Variants in PBX3 observed in about 807,000 individuals in gnomAD.
PBX3 encodes pre-B-cell leukemia transcription factor 3.
PBX3 carries 14 observed loss-of-function variants against 48.5 expected under a neutral mutation model. The ratio of observed to expected loss-of-function variants is 0.29; its 90% CI spans 0.19 to 0.45. The LOEUF is 0.45. PBX3 is among the 20% of genes least tolerant of loss of function. PBX3 has a pLI of 1.00. For missense variants in PBX3, 386 were observed against 546.7 expected (o/e 0.71, Z 2.93); for synonymous variants, 210 against 200.3 (o/e 1.05, Z -0.41).
chr9:125,925,566 A>G (rs1462053145), intron 3 of PBX3, among the ~76,000 whole-genome samples: 1 of 151,686 alleles, frequency 6.6e-6, no homozygotes, highest in African/African-American at 2.4e-5. Flanking sequence ...TGATCCTCCT[A>G]CCTCAGCCTC....
intron 8 of PBX3, among the ~76,000 whole-genome samples, chr9:125,965,213 G>A (rs1429323236): frequency 6.6e-6 from 1 of 152,256 alleles, no homozygotes; most frequent in East Asian, 1.9e-4. Flanking sequence ...GGAAGGGCCA[G>A]CAGCATGTGG....
At chr9:125,892,167 C>T (rs1840662014) in intron 2 of PBX3, among the ~76,000 whole-genome samples, 2 of 152,096 alleles carry the variant, frequency 1.3e-5, no homozygotes, top group African/African-American at 4.8e-5. Flanking sequence ...AAGTGATTTG[C>T]CCACCAAGGC....
intron 3 of PBX3, among the ~76,000 whole-genome samples, chr9:125,929,374 A>G (rs999406240): frequency 3.3e-5 from 5 of 152,174 alleles, no homozygotes; most frequent in African/African-American, 4.8e-5. Flanking sequence ...ATTGATAGGG[A>G]GCATCCTCGA....
intron 2 of PBX3, among the ~76,000 whole-genome samples, chr9:125,785,659 G>A (rs1243104116): frequency 6.6e-6 from 1 of 152,190 alleles, no homozygotes; most frequent in Non-Finnish European, 1.5e-5. Context: ...GATCATGTGA[G>A]TCAATTCTCC....
intron 2 of PBX3, among the ~76,000 whole-genome samples, chr9:125,774,648 A>T (rs1837023735): frequency 8.6e-6 from 1 of 115,918 alleles, no homozygotes; most frequent in Admixed American, 9.3e-5. Flanking sequence ...TTCATCAGCT[A>T]ATGGGCAGTT....
intron 2 of PBX3, among the ~76,000 whole-genome samples, chr9:125,812,152 A>G (rs1290542039): frequency 6.6e-6 from 1 of 152,168 alleles, no homozygotes; most frequent in Non-Finnish European, 1.5e-5. Context: ...TGAACGATAA[A>G]TTTGCGTTGT....
At chr9:125,818,122 C>T (rs1210223741) in intron 2 of PBX3, among the ~76,000 whole-genome samples, 2 of 151,766 alleles carry the variant, frequency 1.3e-5, no homozygotes, top group Non-Finnish European at 2.9e-5. Context: ...TAGCTAGAAC[C>T]CGGGAGGCGG....
At chr9:125,765,878 A>G (rs1263207752) in intron 2 of PBX3, among the ~76,000 whole-genome samples, 1 of 152,188 alleles carries the variant, frequency 6.6e-6, no homozygotes, top group Admixed American at 6.5e-5. Context: ...TTATGATTGA[A>G]TGGAGAGAAT....
At chr9:125,948,260 G>GA (rs35425968) in intron 5 of PBX3, among the ~76,000 whole-genome samples, 95,892 of 152,058 alleles carry the variant, frequency 0.63, 31,766 homozygotes, top group East Asian at 0.77. Context: ...GACATACATA[G>GA]AACACTACAT....
At chr9:125,925,407 G>A (rs988649875) in intron 3 of PBX3, among the ~76,000 whole-genome samples, 1 of 151,908 alleles carries the variant, frequency 6.6e-6, no homozygotes, top group African/African-American at 2.4e-5. Context: ...GTACAAAAAA[G>A]GAATGAAATA....
At chr9:125,935,646 A>T (rs565045547) in intron 5 of PBX3, 39 bp downstream of exon 5, 9 of 1,572,202 alleles carry the variant, frequency 5.7e-6, no homozygotes, top group Non-Finnish European at 7.8e-6. Flanking sequence ...TTCCCTGTGG[A>T]GACAGGAACC....
chr9:125,899,403 A>G (rs1461878375), intron 2 of PBX3, among the ~76,000 whole-genome samples: 1 of 141,130 alleles, frequency 7.1e-6, no homozygotes, highest in Non-Finnish European at 1.5e-5. Context: ...ATATACAAAT[A>G]TATGTATGTA....
intron 3 of PBX3, among the ~76,000 whole-genome samples, chr9:125,918,884 C>T (rs1312139134): frequency 2.0e-5 from 3 of 152,080 alleles, no homozygotes; most frequent in Admixed American, 1.3e-4. Context: ...TCTGGATGGT[C>T]CTTTCAGAGA....
chr9:125,836,836 GCTA>G (rs1255810199), intron 2 of PBX3, among the ~76,000 whole-genome samples: 2 of 152,086 alleles, frequency 1.3e-5, no homozygotes, highest in African/African-American at 4.8e-5. Context: ...ACTTCCCTGA[GCTA>G]CTATTTTTTA....
At chr9:125,773,173 C>T (rs964584290) in intron 2 of PBX3, among the ~76,000 whole-genome samples, 4 of 151,966 alleles carry the variant, frequency 2.6e-5, no homozygotes, top group African/African-American at 7.3e-5. Context: ...ATGAGACTTT[C>T]GTAGATCAGT....
At chr9:125,838,812 A>C (rs1297258725) in intron 2 of PBX3, among the ~76,000 whole-genome samples, 1 of 152,250 alleles carries the variant, frequency 6.6e-6, no homozygotes, top group African/African-American at 2.4e-5. Flanking sequence ...CTAGGTTAGA[A>C]ATGTATGGCA....
At chr9:125,805,601 A>G (rs1838103595) in intron 2 of PBX3, among the ~76,000 whole-genome samples, 1 of 152,202 alleles carries the variant, frequency 6.6e-6, no homozygotes, top group South Asian at 2.1e-4. Context: ...AAATGGATGG[A>G]TTAATGAGAT....
intron 5 of PBX3, among the ~76,000 whole-genome samples, chr9:125,955,947 G>A (rs995465410): frequency 7.9e-5 from 12 of 152,116 alleles, no homozygotes; most frequent in Non-Finnish European, 1.0e-4. Flanking sequence ...TAAGCATTTC[G>A]CAGTTGGTTA....
chr9:125,807,363 A>G (rs1256489960), intron 2 of PBX3, among the ~76,000 whole-genome samples: 13 of 152,080 alleles, frequency 8.5e-5, no homozygotes, highest in Non-Finnish European at 1.5e-4. Flanking sequence ...ATATTAACAG[A>G]AGGAGTGGTA....
Sources: allele counts gnomAD v4.1 joint callset (sites outside exome capture counted in the v4.1 genomes callset), GRCh38; gene constraint gnomAD v4.1.1; transcripts MANE v1.5; gene names NCBI Gene and HGNC (gene_info 2026-07-23, HGNC 2026-07-21).